KRABD3: variants seen among roughly 807,000 people sequenced by gnomAD.
KRABD3 encodes the protein KRAB domain-containing protein 3.
At chr7:149,718,073 C>T in the KRABD3 span, among the ~76,000 whole-genome samples, 1 of 151,050 alleles carries the variant, frequency 6.6e-6, no homozygotes, top group African/African-American at 2.4e-5. Flanking sequence ...GCTGGGATTA[C>T]AGGCGTGAAC....
the KRABD3 span, chr7:149,724,940 A>C: frequency 1.8e-6 from 2 of 1,110,646 alleles, no homozygotes; most frequent in Non-Finnish European, 2.5e-6. Flanking sequence ...AGCAGCTCTC[A>C]GCAGGGAGCC....
At chr7:149,723,821 C>A in the KRABD3 span, 1 of 1,613,838 alleles carries the variant, frequency 6.2e-7, no homozygotes, top group Non-Finnish European at 8.5e-7. Flanking sequence ...GACAGGCATC[C>A]CAGTCCCTCA....
chr7:149,715,163 C>G, the KRABD3 span: 3 of 1,226,974 alleles, frequency 2.4e-6, no homozygotes, highest in Non-Finnish European at 3.0e-6. Context: ...TCGGGATCGG[C>G]TGGGTGAGGC....
At chr7:149,724,137 G>A in the KRABD3 span, among the ~76,000 whole-genome samples, 1 of 152,192 alleles carries the variant, frequency 6.6e-6, no homozygotes, top group African/African-American at 2.4e-5. Context: ...AGGAAAGTGG[G>A]GAGGGAGCGA....
the KRABD3 span, chr7:149,725,394 C>T: frequency 1.2e-6 from 2 of 1,610,388 alleles, no homozygotes; most frequent in Non-Finnish European, 1.7e-6. Context: ...CGTCACCTTC[C>T]CAGCTGCCAC....
the KRABD3 span, chr7:149,733,935 G>T: frequency 6.3e-7 from 1 of 1,597,012 alleles, no homozygotes; most frequent in African/African-American, 1.3e-5. Flanking sequence ...GCACCAGACG[G>T]GATCCCAGAG....
chr7:149,728,844 G>A, the KRABD3 span, among the ~76,000 whole-genome samples: 1 of 152,244 alleles, frequency 6.6e-6, no homozygotes. Flanking sequence ...CAGCACACAC[G>A]TGTAGACCTG....
At chr7:149,717,909 C>T in the KRABD3 span, among the ~76,000 whole-genome samples, 1 of 152,198 alleles carries the variant, frequency 6.6e-6, no homozygotes, top group African/African-American at 2.4e-5. Context: ...CCAGGTTCTC[C>T]TGCCTCAGCC....
chr7:149,728,993 C>T, the KRABD3 span, among the ~76,000 whole-genome samples: 3 of 152,214 alleles, frequency 2.0e-5, no homozygotes, highest in East Asian at 1.9e-4. Context: ...CAGGGGTCCA[C>T]GCAGCTGGGT....
the KRABD3 span, chr7:149,730,488 C>T: frequency 6.2e-7 from 1 of 1,609,856 alleles, no homozygotes; most frequent in African/African-American, 1.3e-5. Context: ...CCTGGTGGGA[C>T]CCCTGCTGGC....
At chr7:149,728,583 T>C in the KRABD3 span, 1 of 1,613,604 alleles carries the variant, frequency 6.2e-7, no homozygotes, top group Admixed American at 1.7e-5. Flanking sequence ...GAGATACCTG[T>C]GCCTGTGCTG....
At chr7:149,722,717 C>A in the KRABD3 span, 1 of 1,530,590 alleles carries the variant, frequency 6.5e-7, no homozygotes, top group Non-Finnish European at 8.8e-7. Flanking sequence ...GACCTGAATG[C>A]CTGCCAGCGC....
At chr7:149,715,088 A>AC in the KRABD3 span, 1 of 1,230,192 alleles carries the variant, frequency 8.1e-7, no homozygotes, top group Non-Finnish European at 1.0e-6. Context: ...GGACGCGCGG[A>AC]CCCCTCGGCG....
At chr7:149,727,799 G>A in the KRABD3 span, among the ~76,000 whole-genome samples, 1 of 152,206 alleles carries the variant, frequency 6.6e-6, no homozygotes, top group Non-Finnish European at 1.5e-5. Flanking sequence ...CGAACGTGCT[G>A]TGGAGAAAAT....
chr7:149,715,394 C>T, the KRABD3 span: 13 of 1,115,202 alleles, frequency 1.2e-5, no homozygotes, highest in South Asian at 2.7e-4. Flanking sequence ...TCCTGGATCC[C>T]GGGGGCTGGG....
chr7:149,714,962 C>T, the KRABD3 span: 5 of 1,079,776 alleles, frequency 4.6e-6, no homozygotes, highest in Non-Finnish European at 5.8e-6. Flanking sequence ...CCTTCTCCTG[C>T]GCGGACCTGG....
the KRABD3 span, chr7:149,730,801 G>T: frequency 7.0e-6 from 4 of 575,336 alleles, no homozygotes; most frequent in African/African-American, 3.7e-5. Context: ...TTGATGCCAC[G>T]TACACGGTGT....
the KRABD3 span, chr7:149,726,145 A>G: frequency 8.0e-7 from 1 of 1,253,616 alleles, no homozygotes; most frequent in East Asian, 2.5e-5. Context: ...TGACTGGGTC[A>G]GACCCCCATG....
At chr7:149,722,594 G>A in the KRABD3 span, 1 of 1,588,034 alleles carries the variant, frequency 6.3e-7, no homozygotes. Flanking sequence ...CGATGGGGAA[G>A]TGTGTTTAGT....
Sources: gnomAD v4.1 joint callset for allele counts (sites outside exome capture counted in the v4.1 genomes callset) on GRCh38, gnomAD v4.1.1 for gene constraint, MANE v1.5 for transcripts, NCBI Gene and HGNC (gene_info 2026-07-23, HGNC 2026-07-21) for gene names.